Variants in WDR25 observed in about 807,000 individuals in gnomAD.
WDR25 encodes WD repeat-containing protein 25.
A neutral mutation model predicts 47.7 loss-of-function variants in WDR25; 35 were observed. That is an observed-to-expected ratio of 0.73 (90% CI 0.56 to 0.97). The LOEUF (loss-of-function observed/expected upper bound fraction) is 0.97. WDR25 is among the 50% of genes least tolerant of loss of function. WDR25 has a pLI of 0.00. For missense variants in WDR25, 634 were observed against 704.7 expected (o/e 0.90, Z 1.14); for synonymous variants, 248 against 278.9 (o/e 0.89, Z 1.10).
Position 100,407,808 on chromosome 14 carries a change from A to G in WDR25, c.822+26062A>G, listed in dbSNP as rs1897586989. On this transcript the variant is annotated intron_variant, in intron 2 of 6. Coordinates refer to ENST00000402312, the MANE Select transcript of WDR25 (RefSeq NM_001161476.3). This position sits in a 1 kb window ranked among gnomAD's most constrained non-coding sequence, Gnocchi z 4.1. ...AGATTAGAGCTGGGATTGGAGATGTAGCCCGTCCCCGTTCAGGAGCCTCTC... is the reference window on the plus strand; with the variant it reads ...AGATTAGAGCTGGGATTGGAGATGTGGCCCGTCCCCGTTCAGGAGCCTCTC... 6.8e-6 allele frequency among the ~76,000 whole-genome samples: 1 copy of G among 147,204 alleles called. No homozygotes were observed. Among genetic ancestry groups the G allele is most frequent in the South Asian group, 2.1e-4 (1 of 4,814 alleles).
At chr14:100,400,401 C>T (rs1897350195) in intron 2 of WDR25, among the ~76,000 whole-genome samples, 1 of 152,218 alleles carries the variant, frequency 6.6e-6, no homozygotes, top group South Asian at 2.1e-4. Context: ...CCGGGTTTGA[C>T]TCAGGCCCAG....
At position 100,529,065 on chromosome 14, in the gene WDR25, C is replaced by A; in HGVS notation, c.1273-3C>A. 1 of 1,541,312 alleles carries A rather than the reference C, an allele frequency of 6.5e-7. No homozygotes were observed. The highest frequency in any genetic ancestry group is 8.8e-7 in the Non-Finnish European group (1 of 1,138,138). On this transcript the variant is annotated splice_region_variant and splice_polypyrimidine_tract_variant and intron_variant, in intron 5 of 6. Transcript: ENST00000402312. This position sits in a 1 kb window ranked among gnomAD's most constrained non-coding sequence, Gnocchi z 5.1. ...GACCCATTTGTGGCTCTGCTGTTCT[C>A]AGGAGAGGTTCACCTGCCCCAGCCT...
rs1897592879 is a variant in WDR25 at position 100,407,997 on chromosome 14, C to G, written c.822+26251C>G. On this transcript the variant is annotated intron_variant, in intron 2 of 6. Transcript: ENST00000402312. The surrounding 1 kb of genome is among the most constrained non-coding windows in gnomAD (Gnocchi z 4.1). ...AGGGGAGGGGTTGTGAGAGCCAGAG[C>G]ACAGATGCCTGCACACCAGGCACTG... 6.6e-6 allele frequency among the ~76,000 whole-genome samples: 1 copy of G among 152,062 alleles called. No homozygotes were observed.
At chr14:100,445,193 T>C (rs960431479) in intron 2 of WDR25, among the ~76,000 whole-genome samples, 2 of 152,230 alleles carry the variant, frequency 1.3e-5, no homozygotes, top group African/African-American at 4.8e-5. Flanking sequence ...TTATTATCAA[T>C]GCATTTCTCT....
intron 2 of WDR25, among the ~76,000 whole-genome samples, chr14:100,391,915 G>A (rs753717177): frequency 5.9e-5 from 9 of 152,286 alleles, no homozygotes; most frequent in East Asian, 1.9e-4. Context: ...GCTATGAGGC[G>A]TGTGCTTTTG....
intron 4 of WDR25, among the ~76,000 whole-genome samples, chr14:100,493,483 TTA>T (rs1900631580): frequency 6.6e-6 from 1 of 152,218 alleles, no homozygotes; most frequent in African/African-American, 2.4e-5. Flanking sequence ...ACTTTATTTT[TTA>T]GAGGAGTTTT....
chr14:100,500,420 G>A lies in WDR25; in HGVS notation c.1101+16296G>A, dbSNP rs1438738172. On this transcript the variant is annotated intron_variant, in intron 4 of 6. Transcript: ENST00000402312. The surrounding 1 kb of genome is among the most constrained non-coding windows in gnomAD (Gnocchi z 4.7). Reference sequence around the variant, plus strand: ...GGCTGTGGAGGGTGGAGAAGGAGGGGTGGGGATGGTCAGATGGAGGCATGC... The same window carrying A: ...GGCTGTGGAGGGTGGAGAAGGAGGGATGGGGATGGTCAGATGGAGGCATGC... Among the ~76,000 whole-genome samples the A allele has an allele frequency of 6.6e-6, 1 of 152,186 alleles. No homozygotes were observed. Among genetic ancestry groups the A allele is most frequent in the Non-Finnish European group, 1.5e-5 (1 of 68,022 alleles).
intron 2 of WDR25, among the ~76,000 whole-genome samples, chr14:100,435,570 A>T (rs1898475236): frequency 6.6e-6 from 1 of 152,200 alleles, no homozygotes; most frequent in Non-Finnish European, 1.5e-5. Context: ...AAGTGGAGAG[A>T]GCCCTGGCCT....
At chr14:100,463,400 T>A (rs1899494857) in intron 2 of WDR25, among the ~76,000 whole-genome samples, 1 of 152,176 alleles carries the variant, frequency 6.6e-6, no homozygotes, top group Admixed American at 6.5e-5. Flanking sequence ...AAACACTCTC[T>A]TCTCTACGCT....
intron 4 of WDR25, among the ~76,000 whole-genome samples, chr14:100,496,318 T>C (rs922493701): frequency 3.3e-5 from 5 of 152,258 alleles, no homozygotes; most frequent in African/African-American, 9.6e-5. Flanking sequence ...TATTCTCTTT[T>C]TCTTTTGATA....
chr14:100,484,197 G>A, intron 4 of WDR25, 73 bp downstream of exon 4: 1 of 1,538,236 alleles, frequency 6.5e-7, no homozygotes, highest in Non-Finnish European at 8.8e-7. Context: ...TTGGGGGCAG[G>A]TCAGCATCTA....
At position 100,425,598 on chromosome 14, in the gene WDR25, A is replaced by G. The variant is rs749132574; in HGVS notation, c.823-42423A>G. Among the ~76,000 whole-genome samples the G allele has an allele frequency of 1.6e-4, 24 of 152,250 alleles. No individual in the cohort carries two copies. The highest frequency in any genetic ancestry group is 3.2e-4 in the Non-Finnish European group (22 of 68,048). ...CTCCTAAACATGAAGCTCATCAGGC[A>G]GCACCGTCGGACGCTGATGGTGGGG... On this transcript the variant is annotated intron_variant, in intron 2 of 6. Transcript: ENST00000402312. This position sits in a 1 kb window ranked among gnomAD's most constrained non-coding sequence, Gnocchi z 4.8.
intron 2 of WDR25, among the ~76,000 whole-genome samples, chr14:100,399,375 CCCTT>C (rs985392075): frequency 6.6e-6 from 1 of 151,820 alleles, no homozygotes; most frequent in African/African-American, 2.4e-5. Context: ...CCATTCCTTT[CCCTT>C]CCTTCTCTTG....
At chr14:100,433,356 G>A (rs1304655973) in intron 2 of WDR25, among the ~76,000 whole-genome samples, 2 of 152,214 alleles carry the variant, frequency 1.3e-5, no homozygotes, top group African/African-American at 2.4e-5. Context: ...GGAGTGTTCC[G>A]GGTGATGCTG....
intron 2 of WDR25, among the ~76,000 whole-genome samples, chr14:100,467,592 C>G (rs2140295976): frequency 6.6e-6 from 1 of 152,260 alleles, no homozygotes; most frequent in African/African-American, 2.4e-5. Flanking sequence ...CTCCTGGGCT[C>G]AAACAATTCT....
At chr14:100,481,848 G>T (rs112678628) in intron 3 of WDR25, among the ~76,000 whole-genome samples, 36 of 152,134 alleles carry the variant, frequency 2.4e-4, no homozygotes, top group African/African-American at 8.7e-4. Context: ...GTGCTCTTCA[G>T]TTGTGAGCTG....
chr14:100,481,103 CAAAAAAAAAAAAAAAA>C (rs71113268), intron 3 of WDR25: 4 of 246,938 alleles, frequency 1.6e-5, no homozygotes, highest in African/African-American at 1.4e-4. Context: ...CAAAAAAGTG[CAAAAAAAAAAAAAAAA>C]AAAAAAAAAA....
rs748015861 is a variant in WDR25 at position 100,529,723 on chromosome 14, G to A, written c.1414-97G>A. ...GAGGTGCGAAGCCCAGCTCTGCTCC[G>A]TCAGCTCGGGGCTTCAGCCTGCTCC... is the stretch of plus-strand genomic sequence containing the variant. On this transcript the variant is annotated intron_variant, in intron 6 of 6. Coordinates refer to ENST00000402312, the MANE Select transcript of WDR25 (RefSeq NM_001161476.3). This position sits in a 1 kb window ranked among gnomAD's most constrained non-coding sequence, Gnocchi z 5.1. 31 of 1,372,484 alleles carry A rather than the reference G, an allele frequency of 2.3e-5. No homozygotes were observed. Among genetic ancestry groups the A allele is most frequent in the African/African-American group, 1.4e-4 (10 of 70,006 alleles). 85.0% of individuals were successfully genotyped at this position (1,372,484 alleles called of 1,614,324 possible).
intron 4 of WDR25, among the ~76,000 whole-genome samples, chr14:100,495,295 T>G (rs1900695709): frequency 6.6e-6 from 1 of 152,204 alleles, no homozygotes. Flanking sequence ...AAGCGGAGGT[T>G]GCAGTGAGCT....
Sources: allele counts gnomAD v4.1 joint callset (sites outside exome capture counted in the v4.1 genomes callset), GRCh38; gene constraint gnomAD v4.1.1; non-coding constraint Gnocchi (gnomAD v3.1); transcripts MANE v1.5; gene names NCBI Gene and HGNC (gene_info 2026-07-23, HGNC 2026-07-21).